CSMD3: variants seen among roughly 807,000 people sequenced by gnomAD.
CSMD3 encodes the protein CUB and Sushi multiple domains 3.
CSMD3 carries 177 observed loss-of-function variants against 435.2 expected under a neutral mutation model. The observed-to-expected ratio is 0.41, with a 90% CI of 0.36 to 0.46. The LOEUF is 0.46. Ranked by LOEUF, CSMD3 falls within the 20% of genes least tolerant of loss-of-function variation. CSMD3 has a pLI of 0.34. For synonymous variants in CSMD3, 1,656 were observed against 1,520.5 expected (o/e 1.09, Z -2.07); for missense variants, 4,265 against 4,504.6 (o/e 0.95, Z 1.52).
intron 59 of CSMD3, among the ~76,000 whole-genome samples, chr8:112,273,821 C>G (rs1298451754): frequency 6.6e-6 from 1 of 150,720 alleles, no homozygotes; most frequent in African/African-American, 2.4e-5. Context: ...CAACAATTTA[C>G]TGAGTTGCTC....
At chr8:112,348,786 TA>T (rs1261649078) in intron 40 of CSMD3, among the ~76,000 whole-genome samples, 1 of 152,074 alleles carries the variant, frequency 6.6e-6, no homozygotes, top group Non-Finnish European at 1.5e-5. Flanking sequence ...GTTTATAATA[TA>T]AATGTAAACT....
rs552851292 is a variant in CSMD3, at chr8:113,162,531, C to T, written c.709+11191G>A. Among the ~76,000 whole-genome samples, 3 of 148,340 alleles carry T rather than the reference C, an allele frequency of 2.0e-5. No individual in the cohort carries two copies. In the South Asian group the frequency reaches 6.4e-4, roughly 32 times the overall value. Reference sequence around the variant, plus strand: ...AGTGAGCTGAGATCACGCCATTGCACTCCAGCCTGGGCAACAAGAGTGAAA... The same window carrying T: ...AGTGAGCTGAGATCACGCCATTGCATTCCAGCCTGGGCAACAAGAGTGAAA... On this transcript the variant is annotated intron_variant, in intron 4 of 70. Transcript: ENST00000297405.
intron 32 of CSMD3, among the ~76,000 whole-genome samples, chr8:112,469,873 G>T (rs1484629767): frequency 6.6e-6 from 1 of 152,080 alleles, no homozygotes; most frequent in Admixed American, 6.6e-5. Context: ...ATCATAATTT[G>T]GGATAAATGA....
chr8:113,244,418 T>A (rs1281779177), intron 3 of CSMD3, among the ~76,000 whole-genome samples: 2 of 152,066 alleles, frequency 1.3e-5, no homozygotes, highest in Admixed American at 1.3e-4. Flanking sequence ...TGGGTTCAAG[T>A]GATTTTCCTG....
At chr8:113,354,771 T>C (rs1034016155) in intron 1 of CSMD3, among the ~76,000 whole-genome samples, 5 of 152,052 alleles carry the variant, frequency 3.3e-5, no homozygotes, top group Non-Finnish European at 5.9e-5. Flanking sequence ...TCCCAAATAA[T>C]TGGGACTACA....
At chr8:112,895,336 G>A (rs941195067) in intron 10 of CSMD3, among the ~76,000 whole-genome samples, 2 of 151,374 alleles carry the variant, frequency 1.3e-5, no homozygotes, top group African/African-American at 4.8e-5. Context: ...GGTAAGTGGA[G>A]CCTGAATAGA....
In CSMD3 at chr8:112,336,799, T is replaced by C; in HGVS notation, c.6872A>G (p.Asn2291Ser). The change falls in exon 44 of 71, where the codon AAT (asparagine) becomes AGT (serine). Residue 2291 changes from asparagine to serine, a missense_variant. Around this residue, in one of 3 missense-constraint regions of CSMD3, gnomAD observed 3,255 missense variants for 3,380.2 expected, o/e 0.96. Transcript: ENST00000297405. ...ALCGGNITAM[N>S]GTIYSPGYPD... ...ATACCCAGGAGAATAAATGGTGCCA[T>C]TCATTGCAGTTATATTCCCACCACA... 1.2e-6 allele frequency: 2 copies of C among 1,613,520 alleles called. No homozygotes were observed. Among genetic ancestry groups the C allele is most frequent in the Non-Finnish European group, 1.7e-6 (2 of 1,179,586 alleles).
chr8:112,923,867 T>G (rs916371018), intron 9 of CSMD3, among the ~76,000 whole-genome samples: 9 of 152,198 alleles, frequency 5.9e-5, no homozygotes, highest in African/African-American at 2.2e-4. Context: ...AGATATGTCC[T>G]TATCCCTATA....
intron 23 of CSMD3, among the ~76,000 whole-genome samples, chr8:112,574,805 A>C (rs149525968): frequency 3.3e-5 from 5 of 152,058 alleles, no homozygotes; most frequent in African/African-American, 1.2e-4. Flanking sequence ...CAATAACAAC[A>C]AGAAAAATTG....
At chr8:112,817,393 A>G in intron 12 of CSMD3, among the ~76,000 whole-genome samples, 1 of 152,026 alleles carries the variant, frequency 6.6e-6, no homozygotes, top group East Asian at 1.9e-4. Context: ...ATACATTTCC[A>G]CTATCAGATG....
At chr8:113,337,127 ACTGGCTTATTTAAGC>A (rs1482964155) in intron 1 of CSMD3, among the ~76,000 whole-genome samples, 1 of 152,066 alleles carries the variant, frequency 6.6e-6, no homozygotes, top group Admixed American at 6.6e-5. Context: ...TTTCCAAGTT[ACTGGCTTATTTAAGC>A]CTGAGACTGA....
chr8:113,081,204 A>T (rs1010256632), intron 5 of CSMD3, among the ~76,000 whole-genome samples: 1 of 152,150 alleles, frequency 6.6e-6, no homozygotes, highest in Non-Finnish European at 1.5e-5. Context: ...AAATAATAGA[A>T]TTTTATTTTT....
intron 36 of CSMD3, 120 bp from the exon 37 acceptor site, chr8:112,383,783 CA>C: frequency 4.1e-6 from 3 of 727,172 alleles, no homozygotes; most frequent in Non-Finnish European, 7.5e-6. Flanking sequence ...TGTGACCCTT[CA>C]TAGAAGGGTT....
intron 5 of CSMD3, among the ~76,000 whole-genome samples, chr8:113,084,840 A>T (rs2089700091): frequency 6.6e-6 from 1 of 152,012 alleles, no homozygotes; most frequent in Admixed American, 6.6e-5. Context: ...TTTGACAAAG[A>T]TGTCAAAAAC....
rs531627392 is a variant in CSMD3 at position 112,469,373 on chromosome 8, G to T, written c.5395+3218C>A. Among the ~76,000 whole-genome samples the T allele has an allele frequency of 2.6e-5, 4 of 152,154 alleles. No individual in the cohort carries two copies. In the East Asian group the frequency reaches 7.8e-4, roughly 29 times the overall value. ...TAATTTATTTTCATGTGTAATGTTGGTTATATGTGATTTTCTTTTTACATA... is the reference window on the plus strand; with the variant it reads ...TAATTTATTTTCATGTGTAATGTTGTTTATATGTGATTTTCTTTTTACATA... On this transcript the variant is annotated intron_variant, in intron 32 of 70. Coordinates refer to ENST00000297405, the MANE Select transcript of CSMD3 (RefSeq NM_198123.2).
intron 3 of CSMD3, among the ~76,000 whole-genome samples, chr8:113,214,357 T>G (rs2092876074): frequency 6.6e-6 from 1 of 151,986 alleles, no homozygotes; most frequent in South Asian, 2.1e-4. Context: ...TATAGGTTAT[T>G]GGGTTCATTC....
At chr8:112,921,842 A>T in intron 9 of CSMD3, 91 bp from the exon 10 acceptor site, 1 of 956,430 alleles carries the variant, frequency 1.0e-6, no homozygotes. Flanking sequence ...AATAGGTCAA[A>T]TATGTACTAT....
At chr8:112,517,340 A>G (rs1823782085) in intron 27 of CSMD3, 115 bp from the exon 28 acceptor site, 1 of 685,642 alleles carries the variant, frequency 1.5e-6, no homozygotes, top group African/African-American at 1.8e-5. Flanking sequence ...TTTAAATGCT[A>G]TACAATAAAC....
intron 12 of CSMD3, among the ~76,000 whole-genome samples, chr8:112,817,829 C>T (rs231280): frequency 0.23 from 34,830 of 151,880 alleles, 4,856 homozygotes; most frequent in Non-Finnish European, 0.32. Context: ...TTTAGCATGG[C>T]GTATGATGTC....
Sources: allele counts gnomAD v4.1 joint callset (sites outside exome capture counted in the v4.1 genomes callset), GRCh38; gene constraint gnomAD v4.1.1; regional missense constraint gnomAD v4.1.1; transcripts MANE v1.5; gene names NCBI Gene and HGNC (gene_info 2026-07-23, HGNC 2026-07-21).